The following KLK14 variants were observed in gnomAD, a reference collection of about 807,000 sequenced individuals.
KLK14 encodes kallikrein related peptidase 14.
Under a neutral mutation model 24.6 loss-of-function variants are expected in KLK14, and 21 were observed. The observed-to-expected ratio is 0.85, with a 90% CI of 0.61 to 1.23. The LOEUF is 1.23. Ranked by LOEUF, KLK14 falls within the 50% of genes most tolerant of loss-of-function variation. The pLI, the probability that KLK14 is intolerant of heterozygous loss-of-function variation, is 0.00. For missense variants in KLK14, 320 were observed against 338.9 expected, an observed-to-expected ratio of 0.94 and a Z score of 0.44; for synonymous variants, 133 against 139.7, an observed-to-expected ratio of 0.95 and a Z score of 0.34.
chr19:51,081,823 G>C (rs895912221), intron 2 of KLK14, 120 bp from the exon 3 acceptor site: 5 of 881,340 alleles, frequency 5.7e-6, no homozygotes, highest in African/African-American at 3.5e-5. Flanking sequence ...TAAACTGCCC[G>C]CCTCTATCTG....
At position 51,078,909 on chromosome 19, in the gene KLK14, G is replaced by C. The variant is rs200505258; in HGVS notation, c.509C>G (p.Ser170Cys). The C allele has an allele frequency of 6.2e-7, 1 of 1,614,014 alleles. No homozygotes were observed. The highest frequency in any genetic ancestry group is 8.5e-7 in the Non-Finnish European group (1 of 1,179,924). Residue 170 changes from serine (S) to cysteine (C), a missense_variant, in exon 5 of 6, where the codon TCC (serine) becomes TGC (cysteine). Physicochemically the swap from Ser to Cys is moderately radical, Grantham distance 112. Coordinates refer to ENST00000650543, the MANE Select transcript of KLK14 (RefSeq NM_001369775.2). This position sits in a 1 kb window ranked among gnomAD's most constrained non-coding sequence, Gnocchi z 5.0. ...GGCCTTCTGGCACACCTCATCCGGGGAGATGTTGATGTTCACGCATTGCAG... is the reference window on the plus strand; with the variant it reads ...GGCCTTCTGGCACACCTCATCCGGGCAGATGTTGATGTTCACGCATTGCAG... Reference protein sequence around the residue: ...ASLQCVNINISPDEVCQKAYP... With the variant: ...ASLQCVNINICPDEVCQKAYP...
chr19:51,083,123 A>G (rs1330413706), upstream of KLK14, among the ~76,000 whole-genome samples: 2 of 149,766 alleles, frequency 1.3e-5, no homozygotes, highest in Non-Finnish European at 1.5e-5. Context: ...AGGGGACCCC[A>G]GGGCAGGGTG....
chr19:51,082,737 C>T lies in KLK14; in HGVS notation c.-38G>A. ...GGGCACTTACCCAGAGCCCAAGACC[C>T]TCAGGGACATGAAGACACAGCAGAG... is the stretch of plus-strand genomic sequence containing the variant. On this transcript the variant is annotated 5_prime_UTR_variant, in exon 1 of 6. Transcript: ENST00000650543. 2 of 1,613,920 alleles carry T rather than the reference C, an allele frequency of 1.2e-6. No individual in the cohort carries two copies. The highest frequency in any genetic ancestry group is 1.7e-6 in the Non-Finnish European group (2 of 1,179,956).
chr19:51,079,825 A>C, intron 3 of KLK14, 123 bp from the exon 4 acceptor site: 1 of 1,396,818 alleles, frequency 7.2e-7, no homozygotes. Flanking sequence ...CTTCTCACTA[A>C]CTGCAGGCCG....
intron 3 of KLK14, among the ~76,000 whole-genome samples, chr19:51,080,315 C>CA (rs966306394): frequency 2.0e-5 from 3 of 152,134 alleles, no homozygotes; most frequent in Non-Finnish European, 4.4e-5. Flanking sequence ...GCTGGGATTA[C>CA]AGGCGTGAGC....
Position 51,082,818 on chromosome 19 carries a change from G to T in KLK14, c.-119C>A. The T allele has an allele frequency of 1.3e-6, 2 of 1,551,414 alleles. No homozygotes were observed. Among genetic ancestry groups the T allele is most frequent in the Non-Finnish European group, 1.8e-6 (2 of 1,136,936 alleles). On this transcript the variant is annotated 5_prime_UTR_variant, in exon 1 of 6. Coordinates refer to ENST00000650543, the MANE Select transcript of KLK14 (RefSeq NM_001369775.2). ...CCTGCAGGCTCTGCGGGCGGCAGGT[G>T]GGAGGATGTGGAGCAGGGCACAGGT...
chr19:51,082,464 GCT>G, intron 2 of KLK14, 109 bp downstream of exon 2: 1 of 970,622 alleles, frequency 1.0e-6, no homozygotes, highest in South Asian at 1.5e-5. Context: ...ACCACTCCCT[GCT>G]CTTTCTTATG....
chr19:51,080,395 T>TA lies in KLK14; in HGVS notation c.213-694dup, dbSNP rs2091832867. Among the ~76,000 whole-genome samples, 5 of 152,194 alleles carry TA rather than the reference T, an allele frequency of 3.3e-5. No homozygotes were observed. In the South Asian group the frequency reaches 1.0e-3, roughly 31 times the overall value. ...GGCTCTTGGTTCTGGACTCTGGCCC[T>TA]AGCCCTTGACCTCAGGTTGGGCTCT... On this transcript the variant is annotated intron_variant, in intron 3 of 5. Transcript: ENST00000650543.
At chr19:51,080,497 C>G (rs1010150000) in intron 3 of KLK14, among the ~76,000 whole-genome samples, 2 of 152,160 alleles carry the variant, frequency 1.3e-5, no homozygotes, top group African/African-American at 2.4e-5. Context: ...CCTTTATATT[C>G]TAGACTCTGG....
At chr19:51,081,943 G>A (rs537190006) in intron 2 of KLK14, among the ~76,000 whole-genome samples, 1 of 152,110 alleles carries the variant, frequency 6.6e-6, no homozygotes, top group South Asian at 2.1e-4. Context: ...ATTTTGTGCC[G>A]TGGCCACCTT....
In KLK14 at chr19:51,082,773, C is replaced by T. The variant is rs1380105343; in HGVS notation, c.-74G>A. On this transcript the variant is annotated 5_prime_UTR_variant, in exon 1 of 6. Coordinates refer to ENST00000650543, the MANE Select transcript of KLK14 (RefSeq NM_001369775.2). ...GAAGACACAGCAGAGAGGTAGGGACCAGAGACGAGGGGGGCGGGGCCTGCA... is the reference window on the plus strand; with the variant it reads ...GAAGACACAGCAGAGAGGTAGGGACTAGAGACGAGGGGGGCGGGGCCTGCA... 18 of 1,611,626 alleles carry T rather than the reference C, an allele frequency of 1.1e-5. No homozygotes were observed. Among genetic ancestry groups the T allele is most frequent in the Non-Finnish European group, 1.4e-5 (17 of 1,179,080 alleles).
chr19:51,080,958 C>CCA (rs1291042987), intron 3 of KLK14, among the ~76,000 whole-genome samples: 2 of 152,210 alleles, frequency 1.3e-5, no homozygotes, highest in African/African-American at 4.8e-5. Flanking sequence ...TAGGCATGAG[C>CCA]CACCGCACCC....
Position 51,077,960 on chromosome 19 carries a change from G to C in KLK14, c.*47C>G. On this transcript the variant is annotated 3_prime_UTR_variant, in exon 6 of 6. Coordinates refer to ENST00000650543, the MANE Select transcript of KLK14 (RefSeq NM_001369775.2). ...TGGACTCCTGGGTCCTGAGTAGAGA[G>C]AGGAGGGCCTGGGCAGCTGACGAGG... The C allele has an allele frequency of 6.2e-7, 1 of 1,604,630 alleles. No homozygotes were observed.
intron 3 of KLK14, among the ~76,000 whole-genome samples, chr19:51,080,625 G>A (rs976219179): frequency 1.3e-5 from 2 of 152,124 alleles, no homozygotes; most frequent in Non-Finnish European, 1.5e-5. Flanking sequence ...AATTTAGGAG[G>A]GGTCTAGGTT....
At chr19:51,082,050 C>T (rs2091843282) in intron 2 of KLK14, among the ~76,000 whole-genome samples, 1 of 151,830 alleles carries the variant, frequency 6.6e-6, no homozygotes, top group African/African-American at 2.4e-5. Flanking sequence ...CCAATGAGTC[C>T]TTCCCCAACA....
Position 51,081,704 on chromosome 19 carries a change from CT to C in KLK14, c.41-2del, listed in dbSNP as rs1568598654. 6.5e-7 allele frequency: 1 copy of C among 1,532,476 alleles called. No individual in the cohort carries two copies. Among genetic ancestry groups the C allele is most frequent in the East Asian group, 2.5e-5 (1 of 40,496 alleles). The allele number at this position is 1,532,476 out of a possible 1,614,324, so 94.9% of individuals were successfully genotyped here. On this transcript the variant is annotated splice_acceptor_variant, in intron 2 of 5. Transcript: ENST00000650543. LOFTEE classifies it high-confidence loss of function. ...TCATCCTCTTGGCTCTGTGTCATGGCTAGGAGTGGACAGGATTGGGTGGGGA... is the reference window on the plus strand; with the variant it reads ...TCATCCTCTTGGCTCTGTGTCATGGCAGGAGTGGACAGGATTGGGTGGGGA...
chr19:51,083,901 G>A (rs1384049658), upstream of KLK14, among the ~76,000 whole-genome samples: 3 of 152,186 alleles, frequency 2.0e-5, no homozygotes, highest in African/African-American at 7.2e-5. Context: ...GGCAGTGCGG[G>A]CATGAGACGT....
chr19:51,083,309 G>C (rs1162743794), upstream of KLK14, among the ~76,000 whole-genome samples: 2 of 149,868 alleles, frequency 1.3e-5, no homozygotes, highest in African/African-American at 2.5e-5. Flanking sequence ...GAGAGAGAGA[G>C]AGACAGAGAG....
At chr19:51,079,420 C>A (rs1193567796) in intron 4 of KLK14, 29 bp downstream of exon 4, 2 of 1,583,144 alleles carry the variant, frequency 1.3e-6, no homozygotes, top group Admixed American at 3.4e-5. Context: ...GGCCCAGTCC[C>A]CTGCTTTCCA....
Sources: gnomAD v4.1 joint callset for allele counts (sites outside exome capture counted in the v4.1 genomes callset) on GRCh38, gnomAD v4.1.1 for gene constraint, Gnocchi (gnomAD v3.1) non-coding constraint, MANE v1.5 for transcripts, NCBI Gene and HGNC (gene_info 2026-07-23, HGNC 2026-07-21) for gene names.